The following TNRC6B variants were observed in gnomAD, a reference collection of about 807,000 sequenced individuals.
TNRC6B encodes the protein trinucleotide repeat-containing gene 6B protein.
Under a neutral mutation model 203.6 loss-of-function variants are expected in TNRC6B, and 52 were observed. That is an observed-to-expected ratio of 0.26 (90% CI 0.20 to 0.32). The LOEUF is 0.32. TNRC6B is among the 10% of genes least tolerant of loss of function. The pLI, the probability that TNRC6B is intolerant of heterozygous loss-of-function variation, is 1.00. For missense variants in TNRC6B, 1,923 were observed against 2,286.2 expected (o/e 0.84, Z 3.24); for synonymous variants, 838 against 845.7 (o/e 0.99, Z 0.16).
chr22:40,320,993 G>T, intron 21 of TNRC6B, 97 bp from the exon 22 acceptor site: 1 of 1,414,438 alleles, frequency 7.1e-7, no homozygotes, highest in Admixed American at 1.9e-5. Context: ...TTTGCAAAAT[G>T]GGCACACTAG....
chr22:40,314,829 A>G (rs1012242644), intron 19 of TNRC6B, among the ~76,000 whole-genome samples: 4 of 152,236 alleles, frequency 2.6e-5, no homozygotes, highest in Non-Finnish European at 2.9e-5. Flanking sequence ...GTGAACATCA[A>G]TATCTAATAG....
chr22:40,057,631 T>A (rs1207261125), intron 1 of TNRC6B, among the ~76,000 whole-genome samples: 1 of 152,136 alleles, frequency 6.6e-6, no homozygotes, highest in East Asian at 1.9e-4. Flanking sequence ...TTTAAAAAAA[T>A]ATATATACAT....
At chr22:40,117,327 T>G (rs2068397190) in intron 2 of TNRC6B, among the ~76,000 whole-genome samples, 1 of 152,246 alleles carries the variant, frequency 6.6e-6, no homozygotes, top group Non-Finnish European at 1.5e-5. Flanking sequence ...AGATGGATAC[T>G]GACATTTGGT....
In TNRC6B at chr22:40,265,611, T is replaced by G. The variant is rs766528637; in HGVS notation, c.1381T>G (p.Ser461Ala). 6.2e-7 allele frequency: 1 copy of G among 1,613,796 alleles called. No individual in the cohort carries two copies. Among genetic ancestry groups the G allele is most frequent in the Non-Finnish European group, 8.5e-7 (1 of 1,179,790 alleles). Residue 461 changes from serine to alanine, a missense_variant, in exon 5 of 23, where the codon TCT becomes GCT. Coordinates refer to ENST00000454349, the MANE Select transcript of TNRC6B (RefSeq NM_001162501.2). ...KEREDSWKGASVQKSTGSKND... is the reference protein window; with the variant it reads ...KEREDSWKGAAVQKSTGSKND... ...GAGAGAGGACTCCTGGAAAGGAGCT[T>G]CTGTTCAGAAATCAACTGGGTCAAA... is the stretch of plus-strand genomic sequence containing the variant.
chr22:40,286,345 A>T (rs1044772633), intron 12 of TNRC6B, among the ~76,000 whole-genome samples: 5 of 152,178 alleles, frequency 3.3e-5, no homozygotes, highest in Non-Finnish European at 7.4e-5. Context: ...AGGCATAAAG[A>T]ACAAAACAAA....
At chr22:40,274,233 C>A (rs1175954706) in intron 7 of TNRC6B, among the ~76,000 whole-genome samples, 1 of 152,068 alleles carries the variant, frequency 6.6e-6, no homozygotes, top group Non-Finnish European at 1.5e-5. Flanking sequence ...CAGAGAAGTC[C>A]TTCCAGTAAA....
chr22:40,101,910 T>C (rs2068244254), intron 1 of TNRC6B, among the ~76,000 whole-genome samples: 1 of 152,210 alleles, frequency 6.6e-6, no homozygotes, highest in South Asian at 2.1e-4. Flanking sequence ...TTATGACAGA[T>C]GACTTTGCAA....
chr22:40,100,584 T>C (rs1321804749), intron 1 of TNRC6B, among the ~76,000 whole-genome samples: 2 of 152,166 alleles, frequency 1.3e-5, no homozygotes, highest in Non-Finnish European at 2.9e-5. Context: ...TCTTAATTAT[T>C]GGGTCTTACC....
In TNRC6B at chr22:40,201,508, T is replaced by C. The variant is rs1312294063; in HGVS notation, c.5+23368T>C. Among the ~76,000 whole-genome samples the C allele has an allele frequency of 2.0e-5, 3 of 151,766 alleles. No individual in the cohort carries two copies. In the East Asian group the frequency reaches 5.8e-4, roughly 29 times the overall value. ...TGTAGTGCAGTGGCATGATCATGGC[T>C]CACTGCAGCCTCGACCTCCTGGACT... On this transcript the variant is annotated intron_variant, in intron 1 of 22. Transcript: ENST00000454349.
In TNRC6B at chr22:40,196,990, T is replaced by C. The variant is rs114045470; in HGVS notation, c.5+18850T>C. 4.6e-3 allele frequency among the ~76,000 whole-genome samples: 698 copies of C among 152,202 alleles called. 8 individuals are homozygous for C. The highest frequency in any genetic ancestry group is 0.015 in the African/African-American group (639 of 41,526). ...CAGCTCAGTGACCAGGCTGCAGCCA[T>C]GTACACATGAGGAGGTGGAGGAACT... On this transcript the variant is annotated intron_variant, in intron 1 of 22. Transcript: ENST00000454349.
chr22:40,070,207 G>T (rs11912610), intron 1 of TNRC6B, among the ~76,000 whole-genome samples: 1 of 152,186 alleles, frequency 6.6e-6, no homozygotes, highest in South Asian at 2.1e-4. Flanking sequence ...TAATAAAATC[G>T]ATAAGTAACT....
At chr22:40,128,541 C>G (rs899468786) in intron 3 of TNRC6B, among the ~76,000 whole-genome samples, 3 of 149,222 alleles carry the variant, frequency 2.0e-5, no homozygotes, top group African/African-American at 7.5e-5. Context: ...GTGGTATGAT[C>G]ACGGCTCACG....
chr22:40,201,789 T>A (rs1569018797), intron 1 of TNRC6B, among the ~76,000 whole-genome samples: 1 of 152,014 alleles, frequency 6.6e-6, no homozygotes, highest in South Asian at 2.1e-4. Context: ...CAACCCAAAA[T>A]GCTCCAAAAT....
At chr22:40,211,501 C>A (rs959375978) in intron 1 of TNRC6B, among the ~76,000 whole-genome samples, 3 of 152,118 alleles carry the variant, frequency 2.0e-5, no homozygotes, top group African/African-American at 7.2e-5. Flanking sequence ...TGGTGCTTTA[C>A]GTATATCATT....
At position 40,323,170 on chromosome 22, in the gene TNRC6B, C is replaced by T. The variant is rs751221833; in HGVS notation, c.5431C>T (p.Pro1811Ser). ...ATGGGGAGTCCCAACGGTGGAAGAT[C>T]CCCATAGGATGGGCAGCCCTGCTCC... ...SLWGVPTVEDPHRMGSPAPLL... is the reference protein window; with the variant it reads ...SLWGVPTVEDSHRMGSPAPLL... The change falls in exon 23 of 23, where the codon CCC becomes TCC. Residue 1811 changes from proline to serine, a missense_variant. Coordinates refer to ENST00000454349, the MANE Select transcript of TNRC6B (RefSeq NM_001162501.2). 1 of 1,613,824 alleles carries T rather than the reference C, an allele frequency of 6.2e-7. No homozygotes were observed. Among genetic ancestry groups the T allele is most frequent in the Admixed American group, 1.7e-5 (1 of 60,016 alleles).
In TNRC6B at chr22:40,266,808, A is replaced by C. The variant is rs764052747; in HGVS notation, c.2578A>C (p.Ser860Arg). ...TCGACCTTCCAATTCCAGCTGGAGC[A>C]GCGGGCCACAGCCTGCAACACCTAA... ...NVRPSNSSWS[S>R]GPQPATPKDE... Residue 860 changes from serine to arginine, a missense_variant, in exon 5 of 23, where the codon AGC becomes CGC. Coordinates refer to ENST00000454349, the MANE Select transcript of TNRC6B (RefSeq NM_001162501.2). 2.5e-6 allele frequency: 4 copies of C among 1,613,800 alleles called. No individual in the cohort carries two copies. In the Admixed American group the frequency reaches 5.0e-5, roughly 20 times the overall value.
At chr22:40,221,342 G>A (rs539118208) in intron 1 of TNRC6B, among the ~76,000 whole-genome samples, 1 of 152,308 alleles carries the variant, frequency 6.6e-6, no homozygotes, top group South Asian at 2.1e-4. Flanking sequence ...CACCAGTTGA[G>A]TGCTCAGGAA....
At chr22:40,154,884 T>A (rs1466622282) in intron 3 of TNRC6B, among the ~76,000 whole-genome samples, 1 of 52,798 alleles carries the variant, frequency 1.9e-5, no homozygotes, top group Non-Finnish European at 3.3e-5. Flanking sequence ...TATATATATA[T>A]ATATATATAT....
chr22:40,115,605 A>AG (rs2068380239), intron 1 of TNRC6B, among the ~76,000 whole-genome samples: 1 of 152,338 alleles, frequency 6.6e-6, no homozygotes, highest in Non-Finnish European at 1.5e-5. Flanking sequence ...CTTGCTATCA[A>AG]GGAGCTCCTG....
Sources: gnomAD v4.1 joint callset for allele counts (sites outside exome capture counted in the v4.1 genomes callset) on GRCh38, gnomAD v4.1.1 for gene constraint, MANE v1.5 for transcripts, NCBI Gene and HGNC (gene_info 2026-07-23, HGNC 2026-07-21) for gene names.